The following KMT2D variants were observed in gnomAD, a reference collection of about 807,000 sequenced individuals.
KMT2D encodes the protein lysine methyltransferase 2D.
A neutral mutation model predicts 512.7 loss-of-function variants in KMT2D; 55 were observed. That is an observed-to-expected ratio of 0.11 (90% confidence interval 0.09 to 0.13). KMT2D has a LOEUF of 0.13. Among genes scored for constraint, KMT2D ranks in the 10% least tolerant of loss-of-function variants. The pLI is 1.00. For synonymous variants in KMT2D, 2,995 were observed against 2,904.0 expected, an observed-to-expected ratio of 1.03 and a Z score of -1.01; for missense variants, 6,061 against 7,127.9, an observed-to-expected ratio of 0.85 and a Z score of 5.39.
chr12:49,029,668 G>GT lies in KMT2D; in HGVS notation c.14000-193dup, dbSNP rs796401408. 6.1e-3 allele frequency among the ~76,000 whole-genome samples: 717 copies of GT among 117,430 alleles called. 6 individuals carry two copies. The highest frequency in any genetic ancestry group is 0.023 in the African/African-American group (663 of 29,154). 77.0% of individuals were successfully genotyped at this position (117,430 alleles called of 152,430 possible). On this transcript the variant is annotated intron_variant, in intron 43 of 54. Coordinates refer to ENST00000301067, the MANE Select transcript of KMT2D (RefSeq NM_003482.4). ...TGCATGCCAGGCACTGTTGTTTTTT[G>GT]TTTTTTTTGTTTTTTTTTTTTTTTT...
In KMT2D at chr12:49,048,719, A is replaced by G; in HGVS notation, c.4071T>C (p.Asp1357=). The G allele has an allele frequency of 6.2e-7, 1 of 1,613,362 alleles. No homozygotes were observed. The highest frequency in any genetic ancestry group is 2.2e-5 in the East Asian group (1 of 44,866). The part of the protein sequence containing the change: ...SPSKEEEEED[D]DTMQNTVVLF... ...GAACCACGGTATTCTGCATGGTGTC[A>G]TCATCTTCTTCCTCCTCCTCCTTAC... is the stretch of plus-strand genomic sequence containing the variant. Residue 1357 remains aspartate (D), a synonymous_variant, in exon 14 of 55, where the codon GAT becomes GAC. Transcript: ENST00000301067.
chr12:49,028,213 G>C (rs747196352), intron 46 of KMT2D, 72 bp from the exon 47 acceptor site: 53 of 1,595,888 alleles, frequency 3.3e-5, no homozygotes, highest in Non-Finnish European at 4.3e-5. Flanking sequence ...CTACCAGCTG[G>C]GTGGGGACAA....
At position 49,051,700 on chromosome 12, in the gene KMT2D, G is replaced by A. The variant is rs1329372493; in HGVS notation, c.1983C>T (p.Arg661=). ...SRLSPLPVVS[R]LSPPPEESPL... Reference sequence around the variant, plus strand: ...GAGATTCCTCAGGCGGTGGAGACAGGCGTGACACCACAGGCAGGGGGGATA... The same window carrying A: ...GAGATTCCTCAGGCGGTGGAGACAGACGTGACACCACAGGCAGGGGGGATA... Residue 661 remains arginine, a synonymous_variant, in exon 11 of 55, where the codon CGC becomes CGT. Transcript: ENST00000301067. 6.4e-7 allele frequency: 1 copy of A among 1,562,436 alleles called. No homozygotes were observed. Among genetic ancestry groups the A allele is most frequent in the South Asian group, 1.2e-5 (1 of 86,276 alleles).
chr12:49,052,039 T>G lies in KMT2D; in HGVS notation c.1644A>C (p.Pro548=). The change falls in exon 11 of 55, where the codon CCA becomes CCC. Residue 548 remains proline, a synonymous_variant. Coordinates refer to ENST00000301067, the MANE Select transcript of KMT2D (RefSeq NM_003482.4). ...GCGGGGACAAAGGAGATTCTTCAAA[T>G]GGTGGGGACAGGGGCGATGCTTCAG... ...PPPEASPLSP[P]FEESPLSPPP... 6.2e-7 allele frequency: 1 copy of G among 1,610,992 alleles called. No homozygotes were observed. Among genetic ancestry groups the G allele is most frequent in the African/African-American group, 1.4e-5 (1 of 73,688 alleles).
chr12:49,020,484 G>A lies in KMT2D; in HGVS notation c.*1296C>T. ...AGTTTTACATTTGCTCTCCCCGGGG[G>A]GTGGGGGGAGAGGGGAGGGTTCTCA... On this transcript the variant is annotated 3_prime_UTR_variant, in exon 55 of 55. Coordinates refer to ENST00000301067, the MANE Select transcript of KMT2D (RefSeq NM_003482.4). 5.0e-6 allele frequency: 1 copy of A among 198,558 alleles called. No homozygotes were observed. Among genetic ancestry groups the A allele is most frequent in the Non-Finnish European group, 1.0e-5 (1 of 96,020 alleles). The allele number at this position is 198,558 out of a possible 1,614,324, so 12.3% of individuals were successfully genotyped here.
At position 49,022,447 on chromosome 12, in the gene KMT2D, C is replaced by T. The variant is rs1407874318; in HGVS notation, c.16339-94G>A. 1.3e-6 allele frequency: 2 copies of T among 1,493,862 alleles called. No homozygotes were observed. Among genetic ancestry groups the T allele is most frequent in the Admixed American group, 1.7e-5 (1 of 58,124 alleles). The allele number at this position is 1,493,862 out of a possible 1,614,324, so 92.5% of individuals were successfully genotyped here. Reference sequence around the variant, plus strand: ...AGGTAGGAGACTCAGGCAGTGGGGGCTTTTGTTGCATGTACTTCATTTCTC... The same window carrying T: ...AGGTAGGAGACTCAGGCAGTGGGGGTTTTTGTTGCATGTACTTCATTTCTC... On this transcript the variant is annotated intron_variant, in intron 52 of 54. Transcript: ENST00000301067. The surrounding 1 kb of genome is among the most constrained non-coding windows in gnomAD (Gnocchi z 8.6).
chr12:49,044,046 C>A lies in KMT2D; in HGVS notation c.5189-48G>T, dbSNP rs1043564439. 11 of 1,609,484 alleles carry A rather than the reference C, an allele frequency of 6.8e-6. No homozygotes were observed. The highest frequency in any genetic ancestry group is 9.3e-6 in the Non-Finnish European group (11 of 1,177,160). Reference sequence around the variant, plus strand: ...AGACTCGGGTTGAGAGCATGCTGCTCCCAACTTGCAGGGTGACACTTTGTG... The same window carrying A: ...AGACTCGGGTTGAGAGCATGCTGCTACCAACTTGCAGGGTGACACTTTGTG... On this transcript the variant is annotated intron_variant, in intron 22 of 54. Coordinates refer to ENST00000301067, the MANE Select transcript of KMT2D (RefSeq NM_003482.4). The surrounding 1 kb of genome is among the most constrained non-coding windows in gnomAD (Gnocchi z 6.4).
chr12:49,031,658 T>C lies in KMT2D; in HGVS notation c.13047A>G (p.Pro4349=), dbSNP rs551705932. The change falls in exon 40 of 55, where the codon CCA becomes CCG. Residue 4349 remains proline (P), a synonymous_variant. Transcript: ENST00000301067. ...THPGTPKPQG[P]TLEPPPGRVS... ...CCCTCCCAGGAGGCGGCTCCAAGGT[T>C]GGCCCCTGAGGTTTGGGGGTCCCTG... The C allele has an allele frequency of 6.2e-7, 1 of 1,608,878 alleles. No homozygotes were observed. Among genetic ancestry groups the C allele is most frequent in the Admixed American group, 1.7e-5 (1 of 59,118 alleles).
Position 49,020,882 on chromosome 12 carries a change from G to A in KMT2D, c.*898C>T. On this transcript the variant is annotated 3_prime_UTR_variant, in exon 55 of 55. Coordinates refer to ENST00000301067, the MANE Select transcript of KMT2D (RefSeq NM_003482.4). ...GAAGGAAGTCCTAGAGCAACTAGGG[G>A]CCAGTCATCCCCAATCTTCATCATC... 1 of 198,418 alleles carries A rather than the reference G, an allele frequency of 5.0e-6. No individual in the cohort carries two copies. The highest frequency in any genetic ancestry group is 1.0e-5 in the Non-Finnish European group (1 of 95,630). The allele number at this position is 198,418 out of a possible 1,614,324, so 12.3% of individuals were successfully genotyped here. A position where few individuals can be genotyped will look rare whatever the true frequency, so the allele number is the denominator to read the frequency against.
At chr12:49,025,375 T>C (rs1427996629) in intron 49 of KMT2D, among the ~76,000 whole-genome samples, 3 of 152,254 alleles carry the variant, frequency 2.0e-5, no homozygotes, top group Non-Finnish European at 4.4e-5. Context: ...AATACTGTAC[T>C]GTATTTTTAC....
Position 49,032,069 on chromosome 12 carries a change from C to A in KMT2D, c.12636G>T (p.Arg4212=), listed in dbSNP as rs748537118. 6 of 1,613,694 alleles carry A rather than the reference C, an allele frequency of 3.7e-6. No homozygotes were observed. The African/African-American group carries it at 6.7e-5, about 18-fold the overall frequency. ...GCTGCTGCTGCTGAGGACTTAAGTG[C>A]CGCAGCTGTGGGTTTTTGGCCAGGA... is the stretch of plus-strand genomic sequence containing the variant. The part of the protein sequence containing the change: ...QGVLAKNPQL[R]HLSPQQQQQL... Residue 4212 remains arginine, a synonymous_variant, in exon 40 of 55, where the codon CGG becomes CGT. Coordinates refer to ENST00000301067, the MANE Select transcript of KMT2D (RefSeq NM_003482.4).
chr12:49,052,802 G>GCACTGCC (rs1158670838), intron 9 of KMT2D, 93 bp from the exon 10 acceptor site: 6 of 1,574,716 alleles, frequency 3.8e-6, no homozygotes, highest in Non-Finnish European at 5.2e-6. Flanking sequence ...GCTGTGGATG[G>GCACTGCC]CACTGCCCAC....
In KMT2D at chr12:49,034,860, T is replaced by C. The variant is rs369170175; in HGVS notation, c.10307A>G (p.Lys3436Arg). 6.8e-6 allele frequency: 11 copies of C among 1,613,938 alleles called. No homozygotes were observed. Among genetic ancestry groups the C allele is most frequent in the African/African-American group, 1.3e-5 (1 of 74,948 alleles). ...KAKMVALKGI[K>R]KVMAQGSIGV... ...AATGCTGCCCTGAGCCATCACTTTC[T>C]TGATGCCTTTCAAAGCCACCATCTT... Residue 3436 changes from lysine to arginine, a missense_variant, in exon 36 of 55, where the codon AAG becomes AGG. Transcript: ENST00000301067.
In KMT2D at chr12:49,043,122, T is replaced by G. The variant is rs2120563844; in HGVS notation, c.5598A>C (p.Pro1866=). ...VPSDPEKPGT[P]GEGMLSSDLD... Reference sequence around the variant, plus strand: ...AGTCAGAGCTAAGCATCCCTTCACCTGGGGTGCCTGGCTTCTCAGGGTCAC... The same window carrying G: ...AGTCAGAGCTAAGCATCCCTTCACCGGGGGTGCCTGGCTTCTCAGGGTCAC... Residue 1866 remains proline (P), a synonymous_variant, in exon 26 of 55, where the codon CCA becomes CCC. Transcript: ENST00000301067. The G allele has an allele frequency of 3.1e-6, 5 of 1,613,952 alleles. No homozygotes were observed. Among genetic ancestry groups the G allele is most frequent in the Non-Finnish European group, 4.2e-6 (5 of 1,179,834 alleles).
rs1170869909 is a variant in KMT2D, at chr12:49,043,852, G to A, written c.5319+16C>T. 1 of 1,613,946 alleles carries A rather than the reference G, an allele frequency of 6.2e-7. No homozygotes were observed. The highest frequency in any genetic ancestry group is 8.5e-7 in the Non-Finnish European group (1 of 1,179,914). The stretch of plus-strand genomic sequence containing the variant: ...GGCACAGACACCTCCCTCACTGCTT[G>A]GAGCCTGAGACCCACCTGCAAGTAA... On this transcript the variant is annotated intron_variant, in intron 23 of 54. Coordinates refer to ENST00000301067, the MANE Select transcript of KMT2D (RefSeq NM_003482.4).
Position 49,046,431 on chromosome 12 carries a change from G to A in KMT2D, c.4419-7C>T, listed in dbSNP as rs750369022. ...CTGCATACAGGACACACACCTGATAGGAGCAGGAAAACAGAGCTTTAGCAC... is the reference window on the plus strand; with the variant it reads ...CTGCATACAGGACACACACCTGATAAGAGCAGGAAAACAGAGCTTTAGCAC... On this transcript the variant is annotated splice_polypyrimidine_tract_variant and splice_region_variant and intron_variant, in intron 16 of 54. Coordinates refer to ENST00000301067, the MANE Select transcript of KMT2D (RefSeq NM_003482.4). This position sits in a 1 kb window ranked among gnomAD's most constrained non-coding sequence, Gnocchi z 4.2. 4 of 1,612,556 alleles carry A rather than the reference G, an allele frequency of 2.5e-6. No individual in the cohort carries two copies. The African/African-American group carries it at 4.0e-5, about 16-fold the overall frequency.
Position 49,046,222 on chromosome 12 carries a change from G to A in KMT2D, c.4583+38C>T, listed in dbSNP as rs777157984. 2.5e-6 allele frequency: 4 copies of A among 1,613,588 alleles called. No individual in the cohort carries two copies. In the Admixed American group the frequency reaches 5.0e-5, roughly 20 times the overall value. On this transcript the variant is annotated intron_variant, in intron 17 of 54. Coordinates refer to ENST00000301067, the MANE Select transcript of KMT2D (RefSeq NM_003482.4). This position sits in a 1 kb window ranked among gnomAD's most constrained non-coding sequence, Gnocchi z 4.2. The stretch of plus-strand genomic sequence containing the variant: ...AATAAGCTCAGGCAATGCGAGGCTG[G>A]CAACAGGGCCAAAGTGAGGAGAAAG...
chr12:49,052,301 G>C lies in KMT2D; in HGVS notation c.1382C>G (p.Pro461Arg), dbSNP rs749470706. Reference sequence around the variant, plus strand: ...TGGTGACAGGCGTGATGCCTCAGGTGGTGGGGACGTGGGTGATTCCTCAGG... The same window carrying C: ...TGGTGACAGGCGTGATGCCTCAGGTCGTGGGGACGTGGGTGATTCCTCAGG... Reference protein sequence around the residue: ...PPPEESPTSPPPEASRLSPPP... With the variant: ...PPPEESPTSPRPEASRLSPPP... The change falls in exon 11 of 55, where the codon CCA becomes CGA. Residue 461 changes from proline (P) to arginine (R), a missense_variant. By Grantham distance (103) the Pro-to-Arg change is moderately radical. Around this residue, in one of 16 missense-constraint regions of KMT2D, gnomAD observed 848 missense variants for 838.5 expected, o/e 1.01. Coordinates refer to ENST00000301067, the MANE Select transcript of KMT2D (RefSeq NM_003482.4). The C allele has an allele frequency of 6.3e-7, 1 of 1,592,954 alleles. No homozygotes were observed. The highest frequency in any genetic ancestry group is 8.6e-7 in the Non-Finnish European group (1 of 1,167,986).
rs543755671 is a variant in KMT2D, at chr12:49,048,682, T to C, written c.4108A>G (p.Thr1370Ala). The part of the protein sequence containing the change: ...MQNTVVLFSN[T>A]DKFVLMQDMC... The stretch of plus-strand genomic sequence containing the variant: ...ACCTGCATTAGGACAAATTTGTCTG[T>C]GTTGGAGAAGAGAACCACGGTATTC... The change falls in exon 14 of 55, where the codon ACA becomes GCA. Residue 1370 changes from threonine to alanine, a missense_variant. Transcript: ENST00000301067. 18 of 1,612,848 alleles carry C rather than the reference T, an allele frequency of 1.1e-5. No individual in the cohort carries two copies. In the African/African-American group the frequency reaches 1.7e-4, roughly 16 times the overall value.
Sources: allele counts gnomAD v4.1 joint callset (sites outside exome capture counted in the v4.1 genomes callset), GRCh38; gene constraint gnomAD v4.1.1; regional missense constraint gnomAD v4.1.1; non-coding constraint Gnocchi (gnomAD v3.1); transcripts MANE v1.5; gene names NCBI Gene and HGNC (gene_info 2026-07-23, HGNC 2026-07-21).